The following ENAH variants were observed in gnomAD, a reference collection of about 807,000 sequenced individuals.
The protein encoded by ENAH is protein enabled homolog.
In ENAH, 23 loss-of-function variants were observed where a neutral mutation model predicts 78.7. That is an observed-to-expected ratio of 0.29 (90% CI 0.21 to 0.41). The LOEUF is 0.41. ENAH is among the 10% of genes least tolerant of loss of function. ENAH has a pLI of 1.00. For synonymous variants in ENAH, 226 were observed against 241.0 expected (o/e 0.94, Z 0.58); for missense variants, 544 against 691.0 (o/e 0.79, Z 2.39).
chr1:225,652,679 C>T lies in ENAH; in HGVS notation c.5+7G>A, dbSNP rs1360451649. ...CCCGCCCGGCCCCCGCCCCGCGCGC[C>T]CCTCACCTCATGGTGCCGGCGGCGC... On this transcript the variant is annotated splice_region_variant and intron_variant, in intron 1 of 13. Transcript: ENST00000366843. 7.7e-7 allele frequency: 1 copy of T among 1,304,400 alleles called. No homozygotes were observed. Among genetic ancestry groups the T allele is most frequent in the Non-Finnish European group, 9.7e-7 (1 of 1,028,594 alleles). The allele number at this position is 1,304,400 out of a possible 1,614,324, so 80.8% of individuals were successfully genotyped here. A position where few individuals can be genotyped will look rare whatever the true frequency, so the allele number is the denominator to read the frequency against.
At chr1:225,607,843 G>A (rs368091585) in intron 1 of ENAH, among the ~76,000 whole-genome samples, 4 of 152,192 alleles carry the variant, frequency 2.6e-5, no homozygotes, top group South Asian at 4.2e-4. Context: ...GGGTCCCCAC[G>A]GAAAGCCAGA....
At chr1:225,600,489 G>A (rs2096925149) in intron 1 of ENAH, among the ~76,000 whole-genome samples, 3 of 152,022 alleles carry the variant, frequency 2.0e-5, no homozygotes, top group Admixed American at 2.0e-4. Flanking sequence ...CACATTTAAT[G>A]GCAAAAAACG....
intron 1 of ENAH, among the ~76,000 whole-genome samples, chr1:225,628,331 T>A (rs1213013230): frequency 6.6e-6 from 1 of 152,194 alleles, no homozygotes; most frequent in Non-Finnish European, 1.5e-5. Context: ...GATCTAATAC[T>A]ATTTCTGGAA....
intron 11 of ENAH, among the ~76,000 whole-genome samples, chr1:225,506,266 C>T (rs1158763052): frequency 1.3e-5 from 2 of 152,224 alleles, no homozygotes; most frequent in Non-Finnish European, 2.9e-5. Context: ...CAGCTCACTG[C>T]AACCTCCGTC....
At chr1:225,571,463 T>G (rs1355448430) in intron 1 of ENAH, among the ~76,000 whole-genome samples, 5 of 152,136 alleles carry the variant, frequency 3.3e-5, no homozygotes, top group South Asian at 2.1e-4. Flanking sequence ...TACTCACCTT[T>G]TATAACTCTA....
intron 1 of ENAH, among the ~76,000 whole-genome samples, chr1:225,627,465 G>A (rs1293757075): frequency 6.7e-6 from 1 of 149,340 alleles, no homozygotes; most frequent in African/African-American, 2.4e-5. Flanking sequence ...TACAGCCAAT[G>A]AGATAAGGAG....
At chr1:225,500,849 A>G in intron 12 of ENAH, 143 bp downstream of exon 12, 1 of 771,086 alleles carries the variant, frequency 1.3e-6, no homozygotes, top group Non-Finnish European at 2.1e-6. Flanking sequence ...ATGCAGTACT[A>G]CTAATGCCAC....
At chr1:225,588,477 A>G (rs1388151804) in intron 1 of ENAH, among the ~76,000 whole-genome samples, 1 of 152,224 alleles carries the variant, frequency 6.6e-6, no homozygotes, top group Non-Finnish European at 1.5e-5. Context: ...ACTCCCACAC[A>G]GCAATGGTGA....
At chr1:225,583,364 G>A (rs1283471352) in intron 1 of ENAH, among the ~76,000 whole-genome samples, 2 of 150,088 alleles carry the variant, frequency 1.3e-5, no homozygotes, top group Non-Finnish European at 3.0e-5. Context: ...TGAACCAGGA[G>A]GTGGAGTTGC....
intron 5 of ENAH, chr1:225,517,800 TGAGTGTCGCA>T (rs2096433574): frequency 6.4e-7 from 1 of 1,551,160 alleles, no homozygotes; most frequent in African/African-American, 1.4e-5. Flanking sequence ...AACGTGTCGC[TGAGTGTCGCA>T]GTGGTGGTGT....
chr1:225,567,142 G>A, intron 2 of ENAH, 107 bp downstream of exon 2: 1 of 1,254,844 alleles, frequency 8.0e-7, no homozygotes, highest in Non-Finnish European at 1.1e-6. Context: ...TTTTCCCAGA[G>A]AGAGACTATT....
intron 3 of ENAH, among the ~76,000 whole-genome samples, chr1:225,539,344 A>G (rs2096577950): frequency 6.6e-6 from 1 of 152,140 alleles, no homozygotes; most frequent in Admixed American, 6.6e-5. Flanking sequence ...TAGCACTTCC[A>G]TTCATTAATT....
At chr1:225,531,018 A>C in intron 3 of ENAH, 1 of 399,972 alleles carries the variant, frequency 2.5e-6, no homozygotes, top group Non-Finnish European at 4.4e-6. Context: ...GGAGAACTTA[A>C]ATGAAAAATC....
At chr1:225,551,524 A>G (rs930166340) in intron 3 of ENAH, among the ~76,000 whole-genome samples, 3 of 152,168 alleles carry the variant, frequency 2.0e-5, no homozygotes, top group African/African-American at 4.8e-5. Flanking sequence ...ATTCAGTTCT[A>G]GAGAACCATG....
At chr1:225,613,744 A>G (rs970716838) in intron 1 of ENAH, among the ~76,000 whole-genome samples, 7 of 152,152 alleles carry the variant, frequency 4.6e-5, no homozygotes, top group East Asian at 1.9e-4. Context: ...AAAGATGGGG[A>G]AAAAAACAGT....
chr1:225,652,728 G>A lies in ENAH; in HGVS notation c.-38C>T. ...GCAGAGGCTTCCCCACCAGCCGGGA[G>A]ACGCAGAAGGCGCCGAGCCGAGGGG... On this transcript the variant is annotated 5_prime_UTR_variant, in exon 1 of 14. Transcript: ENST00000366843. The A allele has an allele frequency of 7.6e-7, 1 of 1,316,548 alleles. No homozygotes were observed. The highest frequency in any genetic ancestry group is 9.7e-7 in the Non-Finnish European group (1 of 1,034,648). The allele number at this position is 1,316,548 out of a possible 1,614,324, so 81.6% of individuals were successfully genotyped here.
intron 3 of ENAH, among the ~76,000 whole-genome samples, chr1:225,535,823 T>C (rs373436559): frequency 2.0e-5 from 3 of 151,952 alleles, no homozygotes; most frequent in East Asian, 3.8e-4. Flanking sequence ...TATAACTTAG[T>C]TATTTCCTAA....
At chr1:225,587,934 G>GA (rs1174765339) in intron 1 of ENAH, among the ~76,000 whole-genome samples, 2 of 151,704 alleles carry the variant, frequency 1.3e-5, no homozygotes, top group African/African-American at 2.4e-5. Context: ...TATGCATGCA[G>GA]AAAAAAAATC....
chr1:225,634,214 A>T (rs1659634942), intron 1 of ENAH, among the ~76,000 whole-genome samples: 1 of 152,200 alleles, frequency 6.6e-6, no homozygotes, highest in South Asian at 2.1e-4. Flanking sequence ...AACCAAACAG[A>T]TATGTGCATT....
Sources: gnomAD v4.1 joint callset for allele counts (sites outside exome capture counted in the v4.1 genomes callset) on GRCh38, gnomAD v4.1.1 for gene constraint, MANE v1.5 for transcripts, NCBI Gene and HGNC (gene_info 2026-07-23, HGNC 2026-07-21) for gene names.